The following PTPRG variants were observed in gnomAD, a reference collection of about 807,000 sequenced individuals.
PTPRG encodes receptor-type tyrosine-protein phosphatase gamma.
Under a neutral mutation model 165.3 loss-of-function variants are expected in PTPRG, and 102 were observed. The ratio of observed to expected loss-of-function variants is 0.62; its 90% CI spans 0.53 to 0.73. The LOEUF (loss-of-function observed/expected upper bound fraction) is 0.73, where lower values mean the gene tolerates loss of function less well. Ranked by LOEUF, PTPRG falls within the 30% of genes least tolerant of loss-of-function variation. The pLI is 0.00. For missense variants in PTPRG, 1,866 were observed against 1,861.4 expected (o/e 1.00, Z -0.05); for synonymous variants, 675 against 669.5 (o/e 1.01, Z -0.13).
chr3:62,225,580 GAGC>G (rs1700744923), intron 13 of PTPRG, among the ~76,000 whole-genome samples: 1 of 150,646 alleles, frequency 6.6e-6, no homozygotes, highest in Non-Finnish European at 1.5e-5. Context: ...TTGCTCTGAT[GAGC>G]AATATCTCAC....
intron 1 of PTPRG, among the ~76,000 whole-genome samples, chr3:61,614,750 T>C (rs1341588258): frequency 6.6e-6 from 1 of 152,240 alleles, no homozygotes; most frequent in Non-Finnish European, 1.5e-5. Flanking sequence ...TAGGTTTTTG[T>C]TGAGGAATGA....
intron 2 of PTPRG, among the ~76,000 whole-genome samples, chr3:61,906,503 C>T (rs1237261366): frequency 6.6e-6 from 1 of 151,892 alleles, no homozygotes; most frequent in Non-Finnish European, 1.5e-5. Flanking sequence ...GGTGTGGTGG[C>T]TCACACCTGT....
chr3:61,688,126 G>T (rs1266181896), intron 1 of PTPRG, among the ~76,000 whole-genome samples: 1 of 152,200 alleles, frequency 6.6e-6, no homozygotes, highest in Non-Finnish European at 1.5e-5. Context: ...GTCAGGGAAG[G>T]TGTGTTGCCA....
chr3:61,847,967 C>T (rs1412063070), intron 2 of PTPRG, among the ~76,000 whole-genome samples: 2 of 152,210 alleles, frequency 1.3e-5, no homozygotes, highest in Non-Finnish European at 2.9e-5. Context: ...TTGTCTTCTT[C>T]CTCAGACTTT....
chr3:61,738,103 G>A (rs2032792329), intron 1 of PTPRG, among the ~76,000 whole-genome samples: 1 of 149,106 alleles, frequency 6.7e-6, no homozygotes, highest in South Asian at 2.1e-4. Flanking sequence ...GCAGAGATGG[G>A]GTTTCACCGT....
chr3:61,730,475 A>G (rs1285347907), intron 1 of PTPRG, among the ~76,000 whole-genome samples: 2 of 152,228 alleles, frequency 1.3e-5, no homozygotes, highest in Non-Finnish European at 2.9e-5. Context: ...GCGGAGGTTC[A>G]TTGTTAATGA....
At chr3:61,856,125 A>G (rs2037099799) in intron 2 of PTPRG, among the ~76,000 whole-genome samples, 1 of 152,056 alleles carries the variant, frequency 6.6e-6, no homozygotes, top group African/African-American at 2.4e-5. Context: ...GAACATTAAG[A>G]CTAAGGGTCT....
chr3:61,636,896 G>A (rs772719288), intron 1 of PTPRG, among the ~76,000 whole-genome samples: 5 of 151,964 alleles, frequency 3.3e-5, no homozygotes, highest in African/African-American at 7.3e-5. Flanking sequence ...GTCTGGTTCC[G>A]CCTTGCTGGA....
chr3:61,946,681 G>A (rs992550977), intron 2 of PTPRG, among the ~76,000 whole-genome samples: 14 of 152,202 alleles, frequency 9.2e-5, no homozygotes, highest in Admixed American at 6.5e-4. Flanking sequence ...AAAAATACCT[G>A]TGTTCAGTAA....
At position 61,683,384 on chromosome 3, in the gene PTPRG, G is replaced by C. The variant is rs143124906; in HGVS notation, c.86-65494G>C. On this transcript the variant is annotated intron_variant, in intron 1 of 29. Transcript: ENST00000474889. ...GTTGCTGTGGATTGGCCTAGAAATA[G>C]TAGTCAATTCTCTGTGGAGGGTCAA... 5.1e-3 allele frequency among the ~76,000 whole-genome samples: 772 copies of C among 152,332 alleles called. 8 individuals are homozygous for C. The highest frequency in any genetic ancestry group is 0.017 in the African/African-American group (721 of 41,582).
chr3:62,119,541 C>T (rs965954706), intron 5 of PTPRG, among the ~76,000 whole-genome samples: 6 of 152,116 alleles, frequency 3.9e-5, no homozygotes, highest in Admixed American at 1.3e-4. Context: ...TGGAAGAATC[C>T]AGAGGTCGGC....
chr3:62,132,734 T>G, intron 6 of PTPRG, 66 bp downstream of exon 6: 1 of 1,395,136 alleles, frequency 7.2e-7, no homozygotes, highest in Non-Finnish European at 1.0e-6. Flanking sequence ...CCTAAAAGAA[T>G]CAGGTTATCT....
chr3:61,973,157 C>T (rs2040422246), intron 2 of PTPRG, among the ~76,000 whole-genome samples: 1 of 152,204 alleles, frequency 6.6e-6, no homozygotes, highest in African/African-American at 2.4e-5. Context: ...CATGCTTCAT[C>T]CTTTGTCCAG....
chr3:61,934,801 T>A (rs990764196), intron 2 of PTPRG, among the ~76,000 whole-genome samples: 1 of 152,180 alleles, frequency 6.6e-6, no homozygotes, highest in African/African-American at 2.4e-5. Flanking sequence ...ACCTGGGGGT[T>A]CTATTGCTTA....
chr3:61,900,529 A>G (rs1306867236), intron 2 of PTPRG, among the ~76,000 whole-genome samples: 1 of 152,172 alleles, frequency 6.6e-6, no homozygotes, highest in Non-Finnish European at 1.5e-5. Context: ...CCTGTCATTC[A>G]TCCATCCCTG....
chr3:61,622,436 A>G (rs1701487525), intron 1 of PTPRG, among the ~76,000 whole-genome samples: 1 of 147,700 alleles, frequency 6.8e-6, no homozygotes, highest in Non-Finnish European at 1.5e-5. Context: ...TTGGATGATA[A>G]TTTTTTTTTT....
chr3:62,266,788 A>C (rs1701888995), intron 17 of PTPRG, among the ~76,000 whole-genome samples: 1 of 148,804 alleles, frequency 6.7e-6, no homozygotes, highest in Non-Finnish European at 1.5e-5. Flanking sequence ...TTATTTTGCT[A>C]TCCTAAAAAA....
At position 61,725,607 on chromosome 3, in the gene PTPRG, TAG is replaced by T. The variant is rs544935698; in HGVS notation, c.86-23269_86-23268del. On this transcript the variant is annotated intron_variant, in intron 1 of 29. Transcript: ENST00000474889. ...CTATACCACATAGTCTTGATAACTT[TAG>T]ATATAGAACAAGTCTTGAATTTGGA... 1.1e-3 allele frequency among the ~76,000 whole-genome samples: 173 copies of T among 152,222 alleles called. 1 individual carries two copies. The highest frequency in any genetic ancestry group is 3.9e-3 in the African/African-American group (163 of 41,530).
At chr3:61,642,849 G>A (rs1222740423) in intron 1 of PTPRG, among the ~76,000 whole-genome samples, 2 of 152,178 alleles carry the variant, frequency 1.3e-5, no homozygotes, top group African/African-American at 4.8e-5. Context: ...ATGAATTGAT[G>A]GATCTGGGCA....
Sources: gnomAD v4.1 joint callset for allele counts (sites outside exome capture counted in the v4.1 genomes callset) on GRCh38, gnomAD v4.1.1 for gene constraint, MANE v1.5 for transcripts, NCBI Gene and HGNC (gene_info 2026-07-23, HGNC 2026-07-21) for gene names.